CADM2: variants seen among roughly 807,000 people sequenced by gnomAD.
CADM2 encodes immunoglobulin superfamily member 4D.
A neutral mutation model predicts 49.8 loss-of-function variants in CADM2; 12 were observed. The ratio of observed to expected loss-of-function variants is 0.24; its 90% CI spans 0.15 to 0.39. CADM2 has a LOEUF of 0.39. Among genes scored for constraint, CADM2 ranks in the 10% least tolerant of loss-of-function variants. The probability of loss-of-function intolerance (pLI) is 1.00; values close to 1 mark genes in which losing one functional copy is unlikely to be tolerated. For missense variants in CADM2, 378 were observed against 492.3 expected (o/e 0.77, Z 2.20); for synonymous variants, 214 against 175.4 (o/e 1.22, Z -1.74).
intron 1 of CADM2, among the ~76,000 whole-genome samples, chr3:85,000,114 TTCTCTCTCTCTCTC>T (rs59094520): frequency 1.5e-5 from 2 of 136,836 alleles, no homozygotes; most frequent in East Asian, 2.2e-4. Flanking sequence ...TGCTTCTACT[TTCTCTCTCTCTCTC>T]TCTCTCTCTC....
At chr3:85,410,602 A>C (rs1326651310) in intron 1 of CADM2, among the ~76,000 whole-genome samples, 2 of 152,144 alleles carry the variant, frequency 1.3e-5, no homozygotes, top group African/African-American at 4.8e-5. Flanking sequence ...AAGCTAGTAA[A>C]ATTACATGAG....
intron 1 of CADM2, among the ~76,000 whole-genome samples, chr3:85,295,083 C>T (rs985314038): frequency 8.6e-5 from 13 of 152,036 alleles, no homozygotes; most frequent in Non-Finnish European, 2.9e-5. Flanking sequence ...TGAACTCAAA[C>T]AAATTTAGAA....
chr3:86,064,266 T>A (rs1239170218), intron 8 of CADM2, among the ~76,000 whole-genome samples: 1 of 152,064 alleles, frequency 6.6e-6, no homozygotes, highest in African/African-American at 2.4e-5. Context: ...CCAAGTGTTC[T>A]CATTGTTCAT....
chr3:85,369,217 G>A (rs1200832852), intron 1 of CADM2, among the ~76,000 whole-genome samples: 1 of 152,122 alleles, frequency 6.6e-6, no homozygotes, highest in African/African-American at 2.4e-5. Flanking sequence ...TAATGATGGC[G>A]AATTGTACCA....
intron 3 of CADM2, among the ~76,000 whole-genome samples, chr3:85,831,023 G>A (rs181891678): frequency 1.3e-5 from 2 of 151,528 alleles, no homozygotes; most frequent in East Asian, 2.0e-4. Flanking sequence ...CCGTTGTCTC[G>A]TGTTCCCATC....
intron 1 of CADM2, among the ~76,000 whole-genome samples, chr3:85,124,125 C>T (rs2038952637): frequency 6.6e-6 from 1 of 152,268 alleles, no homozygotes; most frequent in African/African-American, 2.4e-5. Flanking sequence ...GATCTACTTT[C>T]CCATAGGGAC....
intron 8 of CADM2, among the ~76,000 whole-genome samples, chr3:85,980,607 T>C (rs959704081): frequency 6.6e-6 from 1 of 151,470 alleles, no homozygotes; most frequent in Non-Finnish European, 1.5e-5. Context: ...TAAAAAATTA[T>C]ATAAAAATGG....
At chr3:85,820,064 T>C (rs2073457137) in intron 3 of CADM2, among the ~76,000 whole-genome samples, 2 of 151,852 alleles carry the variant, frequency 1.3e-5, no homozygotes, top group Admixed American at 1.3e-4. Flanking sequence ...TTTAGAAGGA[T>C]AGTGAGCCAA....
At chr3:85,573,864 A>AATCCTCACC (rs1285261196) in intron 1 of CADM2, among the ~76,000 whole-genome samples, 1 of 152,168 alleles carries the variant, frequency 6.6e-6, no homozygotes, top group Admixed American at 6.5e-5. Flanking sequence ...CACAGAGACC[A>AATCCTCACC]ATCCTCACCA....
chr3:85,560,032 T>C (rs1198974297), intron 1 of CADM2, among the ~76,000 whole-genome samples: 1 of 152,140 alleles, frequency 6.6e-6, no homozygotes, highest in East Asian at 1.9e-4. Context: ...AATTCCAATT[T>C]CAAGAATTAA....
chr3:85,903,326 A>G (rs1314021849), intron 5 of CADM2, among the ~76,000 whole-genome samples: 1 of 150,282 alleles, frequency 6.7e-6, no homozygotes, highest in Admixed American at 6.6e-5. Flanking sequence ...TTCCTTTTCT[A>G]TCTGAGATCA....
chr3:85,131,515 G>T (rs185242472), intron 1 of CADM2, among the ~76,000 whole-genome samples: 1 of 152,246 alleles, frequency 6.6e-6, no homozygotes, highest in Non-Finnish European at 1.5e-5. Flanking sequence ...AAGGATCATT[G>T]TAATACCCCT....
chr3:85,682,586 G>T (rs1418157324), intron 1 of CADM2, among the ~76,000 whole-genome samples: 1 of 151,984 alleles, frequency 6.6e-6, no homozygotes, highest in African/African-American at 2.4e-5. Flanking sequence ...AGTTGACATT[G>T]TGTATAAATT....
At chr3:85,436,884 A>C (rs192072628) in intron 1 of CADM2, among the ~76,000 whole-genome samples, 1 of 152,302 alleles carries the variant, frequency 6.6e-6, no homozygotes, top group African/African-American at 2.4e-5. Flanking sequence ...AGTTTACACT[A>C]GGGTTCACTC....
At chr3:86,015,013 A>G in intron 8 of CADM2, 3 of 959,112 alleles carry the variant, frequency 3.1e-6, no homozygotes, top group Non-Finnish European at 3.4e-6. Context: ...CTTAACATAA[A>G]TTGTGACATA....
At chr3:85,256,433 G>A (rs1321602109) in intron 1 of CADM2, among the ~76,000 whole-genome samples, 3 of 152,080 alleles carry the variant, frequency 2.0e-5, no homozygotes, top group Non-Finnish European at 4.4e-5. Flanking sequence ...CGGAGGAAAT[G>A]CACCTGTGAA....
At chr3:85,245,554 G>T (rs940044089) in intron 1 of CADM2, among the ~76,000 whole-genome samples, 30 of 151,292 alleles carry the variant, frequency 2.0e-4, no homozygotes, top group African/African-American at 7.0e-4. Flanking sequence ...AAATAAAGGA[G>T]AATTTCACCT....
At position 85,867,427 on chromosome 3, in the gene CADM2, T is replaced by G. The variant is rs374243599; in HGVS notation, c.239-15864T>G. ...TATAAAGAATATATTGATTGTATAT[T>G]ATTTTATCGTGGAAATATTTCCCAT... On this transcript the variant is annotated intron_variant, in intron 3 of 9. Coordinates refer to ENST00000383699, the MANE Select transcript of CADM2 (RefSeq NM_001167675.2). 4.6e-5 allele frequency among the ~76,000 whole-genome samples: 7 copies of G among 152,170 alleles called. No individual in the cohort carries two copies. In the South Asian group the frequency reaches 1.0e-3, roughly 23 times the overall value.
At chr3:86,055,810 A>G (rs1347640432) in intron 8 of CADM2, among the ~76,000 whole-genome samples, 1 of 152,122 alleles carries the variant, frequency 6.6e-6, no homozygotes, top group African/African-American at 2.4e-5. Flanking sequence ...TGATTTTTTA[A>G]CAGTGACTGT....
Sources: allele counts gnomAD v4.1 joint callset (sites outside exome capture counted in the v4.1 genomes callset), GRCh38; gene constraint gnomAD v4.1.1; transcripts MANE v1.5; gene names NCBI Gene and HGNC (gene_info 2026-07-23, HGNC 2026-07-21).